The following STAG2 variants were observed in gnomAD, a reference collection of about 807,000 sequenced individuals.
STAG2 encodes cohesin subunit SA-2.
In STAG2, 14 loss-of-function variants were observed where a neutral mutation model predicts 108.1. The observed-to-expected ratio is 0.13, with a 90% CI of 0.09 to 0.20. The LOEUF is 0.20. Among genes scored for constraint, STAG2 ranks in the 10% least tolerant of loss-of-function variants. The pLI, the probability that STAG2 is intolerant of heterozygous loss-of-function variation, is 1.00. For synonymous variants in STAG2, 307 were observed against 302.7 expected, an observed-to-expected ratio of 1.01 and a Z score of -0.15; for missense variants, 440 against 940.9, an observed-to-expected ratio of 0.47 and a Z score of 6.96.
At chrX:124,083,666 CAAA>C in intron 29 of STAG2, 117 bp downstream of exon 29, 1 of 566,037 alleles carries the variant, frequency 1.8e-6, no homozygotes, top group Non-Finnish European at 2.6e-6. Context: ...CATTAATACA[CAAA>C]AAAGTTTATA....
chrX:124,026,784 T>A (rs1292235247), intron 4 of STAG2: 1 of 121,039 alleles, frequency 8.3e-6, no homozygotes, highest in Non-Finnish European at 1.8e-5. Flanking sequence ...AGTCATACTA[T>A]GCAAACAGTT....
intron 4 of STAG2, among the ~76,000 whole-genome samples, chrX:124,028,985 T>TTATATATA (rs376061447): frequency 3.1e-5 from 2 of 64,023 alleles, no homozygotes; most frequent in African/African-American, 6.8e-5. Flanking sequence ...TTATTTTTAT[T>TTATATATA]TATATATATA....
At chrX:124,062,731 G>C (rs1311015187) in intron 17 of STAG2, among the ~76,000 whole-genome samples, 171 bp from the exon 18 acceptor site, 1 of 111,428 alleles carries the variant, frequency 9.0e-6, no homozygotes, top group Admixed American at 9.5e-5. Flanking sequence ...TTTTTATAAT[G>C]TGTAGTTTTC....
chrX:123,970,435 A>T (rs1050486486), intron 1 of STAG2, among the ~76,000 whole-genome samples: 6 of 111,799 alleles, frequency 5.4e-5, no homozygotes, highest in African/African-American at 2.0e-4. Context: ...TTCTGTAGTT[A>T]ACATGAGGAA....
intron 1 of STAG2, among the ~76,000 whole-genome samples, chrX:124,010,363 G>A (rs1034080873): frequency 9.0e-6 from 1 of 111,464 alleles, no homozygotes; most frequent in African/African-American, 3.3e-5. Flanking sequence ...TACCTCATAA[G>A]TTGAATCATA....
intron 3 of STAG2, 133 bp downstream of exon 3, chrX:124,022,804 GT>G (rs1438076118): frequency 7.5e-6 from 3 of 399,924 alleles, no homozygotes; most frequent in Non-Finnish European, 1.3e-5. Flanking sequence ...CTTTGCAAGA[GT>G]TTATATCAGC....
intron 1 of STAG2, among the ~76,000 whole-genome samples, chrX:124,013,323 A>AC (rs2056587235): frequency 8.2e-5 from 8 of 96,982 alleles, no homozygotes; most frequent in Admixed American, 2.3e-4. Context: ...ACACACACAC[A>AC]AACACACACA....
intron 14 of STAG2, among the ~76,000 whole-genome samples, chrX:124,057,477 T>A (rs1388973260): frequency 8.9e-6 from 1 of 112,164 alleles, no homozygotes; most frequent in Non-Finnish European, 1.9e-5. Flanking sequence ...GCCAGAAGGA[T>A]GGAAGGAAAG....
intron 1 of STAG2, among the ~76,000 whole-genome samples, chrX:123,984,333 G>A (rs2055052185): frequency 9.0e-6 from 1 of 111,503 alleles, no homozygotes; most frequent in African/African-American, 3.3e-5. Context: ...AAGATAGAAT[G>A]TATTATTTAT....
At chrX:124,064,728 G>A (rs1443645982) in intron 20 of STAG2, among the ~76,000 whole-genome samples, 1 of 111,443 alleles carries the variant, frequency 9.0e-6, no homozygotes, top group Non-Finnish European at 1.9e-5. Context: ...ACAGGCGTGA[G>A]CCACACATCC....
intron 1 of STAG2, among the ~76,000 whole-genome samples, chrX:123,983,508 A>C (rs1180590203): frequency 1.8e-5 from 2 of 111,294 alleles, no homozygotes; most frequent in Non-Finnish European, 3.8e-5. Flanking sequence ...ACTGTAGTGT[A>C]ATCTTTTTAG....
At chrX:124,090,187 G>GT (rs2059222434) in intron 30 of STAG2, among the ~76,000 whole-genome samples, 1 of 70,698 alleles carries the variant, frequency 1.4e-5, no homozygotes, top group Admixed American at 1.6e-4. Context: ...AAAAAAAAAA[G>GT]GTTTAGTCCT....
chrX:124,027,808 C>G (rs764794533), intron 4 of STAG2, among the ~76,000 whole-genome samples: 16 of 111,683 alleles, frequency 1.4e-4, no homozygotes, highest in Non-Finnish European at 2.4e-4. Flanking sequence ...TGCCCTTAAC[C>G]CTCTATACTA....
chrX:124,024,324 G>A (rs781600349), intron 3 of STAG2, among the ~76,000 whole-genome samples: 183 of 111,130 alleles, frequency 1.6e-3, no homozygotes, highest in African/African-American at 5.8e-3. Flanking sequence ...CCTACGAAAC[G>A]CTTGGGAAGA....
intron 1 of STAG2, among the ~76,000 whole-genome samples, chrX:123,988,750 G>C (rs768504686): frequency 9.0e-6 from 1 of 111,248 alleles, no homozygotes; most frequent in South Asian, 3.8e-4. Context: ...GTGCACCATT[G>C]ATTCTTGCAT....
At chrX:124,062,568 TC>T (rs1217261933) in intron 17 of STAG2, among the ~76,000 whole-genome samples, 2 of 112,165 alleles carry the variant, frequency 1.8e-5, no homozygotes, top group African/African-American at 6.5e-5. Context: ...TGCTGGTCAA[TC>T]CCAGTATTTT....
At chrX:124,093,598 A>T (rs141070286) in intron 32 of STAG2, among the ~76,000 whole-genome samples, 1,522 of 108,745 alleles carry the variant, frequency 0.014, 8 homozygotes, top group Middle Eastern at 0.029. Context: ...GGGAGTGATG[A>T]TGGGTAAAAT....
At chrX:124,072,904 CTTT>C (rs779996801) in intron 25 of STAG2, among the ~76,000 whole-genome samples, 14 of 72,660 alleles carry the variant, frequency 1.9e-4, no homozygotes, top group East Asian at 8.5e-4. Flanking sequence ...TTCTTTCTTT[CTTT>C]TTTTTTTTTT....
At chrX:124,004,042 G>A (rs906194633) in intron 1 of STAG2, among the ~76,000 whole-genome samples, 3 of 111,930 alleles carry the variant, frequency 2.7e-5, no homozygotes, top group East Asian at 5.6e-4. Flanking sequence ...CAGTTCAGTA[G>A]CATTAAGTGC....
Sources: allele counts gnomAD v4.1 joint callset (sites outside exome capture counted in the v4.1 genomes callset), GRCh38; gene constraint gnomAD v4.1.1; transcripts MANE v1.5; gene names NCBI Gene and HGNC (gene_info 2026-07-23, HGNC 2026-07-21).